CCDC3: variants seen among roughly 807,000 people sequenced by gnomAD.
The protein encoded by CCDC3 is coiled-coil domain containing 3, also known as coiled-coil domain-containing protein 3.
In CCDC3, 24 loss-of-function variants were observed where a neutral mutation model predicts 21.4. The observed-to-expected ratio is 1.12, with a 90% confidence interval of 0.81 to 1.58. The LOEUF (loss-of-function observed/expected upper bound fraction) is 1.58. Ranked by LOEUF, CCDC3 falls within the 40% of genes most tolerant of loss-of-function variation. The pLI is 0.00. For synonymous variants in CCDC3, 186 were observed against 166.0 expected, an observed-to-expected ratio of 1.12 and a Z score of -0.93; for missense variants, 425 against 360.9, an observed-to-expected ratio of 1.18 and a Z score of -1.44.
At chr10:13,002,978 C>T (rs778435952), upstream of CCDC3, among the ~76,000 whole-genome samples, 1 of 152,240 alleles carries the variant, frequency 6.6e-6, no homozygotes, top group Non-Finnish European at 1.5e-5. Flanking sequence ...TATCACCCCA[C>T]CCTTATGTCC....
intron 2 of CCDC3, among the ~76,000 whole-genome samples, chr10:12,990,385 C>A (rs1281038888): frequency 6.6e-6 from 1 of 152,176 alleles, no homozygotes; most frequent in Admixed American, 6.5e-5. Context: ...TAAAGCCCCT[C>A]CGCATAGCAA....
chr10:12,961,702 C>G lies in CCDC3; in HGVS notation c.549+36636G>C, dbSNP rs140420542. On this transcript the variant is annotated intron_variant, in intron 2 of 2. Coordinates refer to ENST00000378825, the MANE Select transcript of CCDC3 (RefSeq NM_031455.4). ...GCTTTGCATGAGGAAGTTAATGGAG[C>G]TTAAGTGCATTTCATGGTGGAAACA... 6.5e-3 allele frequency among the ~76,000 whole-genome samples: 986 copies of G among 152,272 alleles called. 6 individuals carry two copies. The highest frequency in any genetic ancestry group is 0.048 in the Middle Eastern group (14 of 294).
chr10:13,091,485 T>C (rs1483835123), intron 3 of CCDC3, among the ~76,000 whole-genome samples: 1 of 152,130 alleles, frequency 6.6e-6, no homozygotes, highest in Non-Finnish European at 1.5e-5. Context: ...ATCTTGGACT[T>C]CCCAGCCTCC....
intron 3 of CCDC3, among the ~76,000 whole-genome samples, chr10:13,089,205 G>A (rs1361602751): frequency 6.6e-6 from 1 of 152,036 alleles, no homozygotes; most frequent in Non-Finnish European, 1.5e-5. Context: ...TCTTAAAGTA[G>A]TAACTTTATT....
chr10:13,013,818 A>G (rs756078320), intron 5 of CCDC3, among the ~76,000 whole-genome samples: 16 of 152,228 alleles, frequency 1.1e-4, no homozygotes, highest in African/African-American at 2.4e-4. Context: ...ACAAAAATCA[A>G]TAAAAGACCC....
chr10:13,050,611 C>T (rs767242008), intron 4 of CCDC3, among the ~76,000 whole-genome samples: 2 of 151,954 alleles, frequency 1.3e-5, no homozygotes, highest in Non-Finnish European at 2.9e-5. Flanking sequence ...GAGGAACACG[C>T]CACCATGCCC....
chr10:13,030,437 T>G (rs1232227768), intron 5 of CCDC3, among the ~76,000 whole-genome samples: 1 of 152,150 alleles, frequency 6.6e-6, no homozygotes, highest in Non-Finnish European at 1.5e-5. Context: ...CATCAACTAA[T>G]GAGCAAAATA....
chr10:12,915,075 AT>A (rs1188811436), intron 2 of CCDC3, among the ~76,000 whole-genome samples: 2 of 152,052 alleles, frequency 1.3e-5, no homozygotes, highest in Non-Finnish European at 2.9e-5. Flanking sequence ...CATTTTTAAA[AT>A]TTTTTTCTTT....
chr10:13,043,951 G>C (rs764138044), intron 5 of CCDC3, among the ~76,000 whole-genome samples: 4 of 152,204 alleles, frequency 2.6e-5, no homozygotes, highest in Non-Finnish European at 5.9e-5. Context: ...CACCACAGCT[G>C]AACTAATTTA....
At chr10:13,084,584 G>A (rs547234374) in intron 3 of CCDC3, among the ~76,000 whole-genome samples, 3 of 152,246 alleles carry the variant, frequency 2.0e-5, no homozygotes, top group South Asian at 2.1e-4. Flanking sequence ...ACCGCGCCCG[G>A]CCCCACTTTA....
chr10:13,011,077 A>G (rs1835978496), intron 5 of CCDC3, among the ~76,000 whole-genome samples: 1 of 151,390 alleles, frequency 6.6e-6, no homozygotes, highest in Non-Finnish European at 1.5e-5. Context: ...GCTACTCAGG[A>G]GGCTGAGGCA....
chr10:13,031,996 C>G (rs1435966961), intron 5 of CCDC3, among the ~76,000 whole-genome samples: 1 of 152,166 alleles, frequency 6.6e-6, no homozygotes, highest in African/African-American at 2.4e-5. Flanking sequence ...TTTTATGAGG[C>G]CAGCATCATC....
Position 13,001,545 on chromosome 10 carries a change from G to A in CCDC3, c.26C>T (p.Ala9Val), listed in dbSNP as rs759304039. The A allele has an allele frequency of 3.3e-5, 42 of 1,271,404 alleles. No individual in the cohort carries two copies. Among genetic ancestry groups the A allele is most frequent in the Non-Finnish European group, 3.9e-5 (39 of 1,010,410 alleles). 78.8% of individuals were successfully genotyped at this position (1,271,404 alleles called of 1,614,324 possible). A position where few individuals can be genotyped will look rare whatever the true frequency, so the allele number is the denominator to read the frequency against. The change falls in exon 1 of 3, where the codon GCG becomes GTG. Residue 9 changes from alanine (A) to valine (V), a missense_variant. Transcript: ENST00000378825. MLRQLLLA[A>V]LCLAGPPAPA... Reference sequence around the variant, plus strand: ...CGCTGGGGGACCCGCCAGGCAGAGCGCGGCGAGCAGCAGCTGGCGCAGCAT... The same window carrying A: ...CGCTGGGGGACCCGCCAGGCAGAGCACGGCGAGCAGCAGCTGGCGCAGCAT...
intron 1 of CCDC3, among the ~76,000 whole-genome samples, 199 bp downstream of exon 1, chr10:13,000,998 C>A (rs1835840457): frequency 6.6e-6 from 1 of 152,132 alleles, no homozygotes; most frequent in Non-Finnish European, 1.5e-5. Context: ...ACCGCCTTAA[C>A]CAGGGGTAGT....
At chr10:12,898,795 A>C (rs1834050207) in intron 2 of CCDC3, 116 bp from the exon 3 acceptor site, 1 of 1,232,328 alleles carries the variant, frequency 8.1e-7, no homozygotes, top group African/African-American at 1.5e-5. Context: ...CCGATTCCCC[A>C]CCCCAGCATG....
intron 2 of CCDC3, among the ~76,000 whole-genome samples, chr10:12,970,572 A>C (rs1473644461): frequency 6.6e-6 from 1 of 152,164 alleles, no homozygotes; most frequent in Non-Finnish European, 1.5e-5. Flanking sequence ...CTTTTACTTA[A>C]TTAAATAAAT....
At chr10:12,935,371 A>C (rs1834720467) in intron 2 of CCDC3, among the ~76,000 whole-genome samples, 1 of 152,090 alleles carries the variant, frequency 6.6e-6, no homozygotes, top group Non-Finnish European at 1.5e-5. Context: ...GGCATGAACC[A>C]CTATGCCAGG....
chr10:13,017,707 AT>A (rs1332672102), intron 5 of CCDC3, among the ~76,000 whole-genome samples: 1 of 151,966 alleles, frequency 6.6e-6, no homozygotes, highest in Non-Finnish European at 1.5e-5. Flanking sequence ...AACTTTCAAG[AT>A]TTTTCTTTCA....
intron 2 of CCDC3, among the ~76,000 whole-genome samples, chr10:12,939,860 G>A (rs1014755604): frequency 6.6e-6 from 1 of 152,188 alleles, no homozygotes; most frequent in Non-Finnish European, 1.5e-5. Flanking sequence ...TACAGCCAAT[G>A]ATTTAATAAA....
Sources: gnomAD v4.1 joint callset for allele counts (sites outside exome capture counted in the v4.1 genomes callset) on GRCh38, gnomAD v4.1.1 for gene constraint, MANE v1.5 for transcripts, NCBI Gene and HGNC (gene_info 2026-07-23, HGNC 2026-07-21) for gene names.